Variants in FNBP1 observed in about 807,000 individuals in gnomAD.
FNBP1 encodes the protein formin binding protein 1.
A neutral mutation model predicts 90.6 loss-of-function variants in FNBP1; 26 were observed. That is an observed-to-expected ratio of 0.29 (90% confidence interval 0.21 to 0.40). The LOEUF (loss-of-function observed/expected upper bound fraction) is 0.40, where lower values mean the gene tolerates loss of function less well. FNBP1 is among the 10% of genes least tolerant of loss of function. The probability of loss-of-function intolerance (pLI) is 1.00; values close to 1 mark genes in which losing one functional copy is unlikely to be tolerated. For missense variants in FNBP1, 635 were observed against 768.0 expected, an observed-to-expected ratio of 0.83 and a Z score of 2.05; for synonymous variants, 260 against 265.2, an observed-to-expected ratio of 0.98 and a Z score of 0.19.
chr9:129,901,171 C>T (rs1405421661), intron 13 of FNBP1, among the ~76,000 whole-genome samples: 15 of 152,126 alleles, frequency 9.9e-5, no homozygotes, highest in Non-Finnish European at 1.6e-4. Flanking sequence ...TTTGGGAGGC[C>T]GAGGTGGGTG....
At chr9:129,986,109 C>T (rs1476883326) in intron 2 of FNBP1, among the ~76,000 whole-genome samples, 5 of 151,660 alleles carry the variant, frequency 3.3e-5, no homozygotes, top group Non-Finnish European at 7.4e-5. Context: ...GCATTCCAGC[C>T]TGGGCAACAG....
At chr9:130,025,469 C>G (rs990624254) in intron 1 of FNBP1, among the ~76,000 whole-genome samples, 8 of 152,174 alleles carry the variant, frequency 5.3e-5, no homozygotes, top group African/African-American at 1.9e-4. Flanking sequence ...CTCCTAGGAT[C>G]ACTATTTCAG....
At position 130,008,360 on chromosome 9, in the gene FNBP1, C is replaced by T. The variant is rs183288081; in HGVS notation, c.25-13402G>A. On this transcript the variant is annotated intron_variant, in intron 1 of 16. Coordinates refer to ENST00000446176, the MANE Select transcript of FNBP1 (RefSeq NM_015033.3). ...TGAGACTCTGTCTCAAAAAACAAACCGAAAAAACCACCTAATTTTTTAAAT... is the reference window on the plus strand; with the variant it reads ...TGAGACTCTGTCTCAAAAAACAAACTGAAAAAACCACCTAATTTTTTAAAT... 1.8e-4 allele frequency among the ~76,000 whole-genome samples: 28 copies of T among 151,742 alleles called. No individual in the cohort carries two copies. The East Asian group carries it at 5.0e-3, about 27-fold the overall frequency.
At chr9:129,896,919 C>G (rs1411662120) in intron 15 of FNBP1, among the ~76,000 whole-genome samples, 2 of 152,256 alleles carry the variant, frequency 1.3e-5, no homozygotes, top group Non-Finnish European at 2.9e-5. Context: ...GCGTGAGCCA[C>G]CACGCCCGGC....
chr9:129,925,389 C>G (rs1028791776), intron 8 of FNBP1, among the ~76,000 whole-genome samples: 1 of 151,376 alleles, frequency 6.6e-6, no homozygotes, highest in Non-Finnish European at 1.5e-5. Flanking sequence ...GCCTGTAGTC[C>G]CAGCTACTCA....
At chr9:129,971,648 C>G (rs999001828) in intron 4 of FNBP1, among the ~76,000 whole-genome samples, 1 of 152,196 alleles carries the variant, frequency 6.6e-6, no homozygotes, top group Admixed American at 6.5e-5. Context: ...GCCTTGGCCT[C>G]CCAAAGTGCT....
At chr9:129,923,038 T>A (rs2041329999) in intron 10 of FNBP1, among the ~76,000 whole-genome samples, 1 of 151,882 alleles carries the variant, frequency 6.6e-6, no homozygotes, top group African/African-American at 2.4e-5. Context: ...TTTTATATAT[T>A]TTTTTAAGAG....
the FNBP1 span, among the ~76,000 whole-genome samples, chr9:130,051,322 ACAC>A: frequency 6.6e-6 from 1 of 152,198 alleles, no homozygotes; most frequent in Non-Finnish European, 1.5e-5. Flanking sequence ...CAGGCATGAG[ACAC>A]CAGCCAGGCC....
At position 129,978,600 on chromosome 9, in the gene FNBP1, A is replaced by G. The variant is rs759884626; in HGVS notation, c.210T>C (p.Cys70=). 4.3e-6 allele frequency: 7 copies of G among 1,613,814 alleles called. No individual in the cohort carries two copies. In the African/African-American group the frequency reaches 8.0e-5, roughly 18 times the overall value. The change falls in exon 4 of 17, where the codon TGT becomes TGC. Residue 70 remains cysteine (C), a synonymous_variant. Transcript: ENST00000446176. ...KEEEEYKYTS[C]KAFISNLNEM... ...CGTTCAGGTTGGAAATGAAAGCTTT[A>G]CATGACGTATACCTATGGAACAGAA... is the stretch of plus-strand genomic sequence containing the variant.
chr9:129,954,762 C>T (rs955302998), intron 6 of FNBP1, among the ~76,000 whole-genome samples: 6 of 151,998 alleles, frequency 3.9e-5, no homozygotes, highest in East Asian at 3.9e-4. Flanking sequence ...TTTGGGAGGC[C>T]GAGGCTGGTG....
chr9:130,013,015 ATTCCGTTC>A (rs1564573730), intron 1 of FNBP1, among the ~76,000 whole-genome samples: 1 of 152,222 alleles, frequency 6.6e-6, no homozygotes, highest in Non-Finnish European at 1.5e-5. Context: ...AAACTAAAAA[ATTCCGTTC>A]ACGAAAAGAT....
intron 7 of FNBP1, among the ~76,000 whole-genome samples, chr9:129,928,233 C>G (rs951569259): frequency 6.6e-5 from 10 of 152,090 alleles, no homozygotes; most frequent in African/African-American, 2.4e-4. Flanking sequence ...GAAAACAATC[C>G]AAAAGAAAGA....
chr9:129,890,326 G>T lies in FNBP1; in HGVS notation c.*213C>A. 1 of 597,058 alleles carries T rather than the reference G, an allele frequency of 1.7e-6. No individual in the cohort carries two copies. Among genetic ancestry groups the T allele is most frequent in the South Asian group, 2.1e-5 (1 of 48,662 alleles). The allele number at this position is 597,058 out of a possible 1,614,324, so 37.0% of individuals were successfully genotyped here. A position where few individuals can be genotyped will look rare whatever the true frequency, so the allele number is the denominator to read the frequency against. Reference sequence around the variant, plus strand: ...AGGACTGACCCGAGCCATGGGGGTGGGCGCTGGCGAGACTTGTCCCCCACG... The same window carrying T: ...AGGACTGACCCGAGCCATGGGGGTGTGCGCTGGCGAGACTTGTCCCCCACG... On this transcript the variant is annotated 3_prime_UTR_variant, in exon 17 of 17. Transcript: ENST00000446176. This position sits in a 1 kb window ranked among gnomAD's most constrained non-coding sequence, Gnocchi z 5.8.
chr9:129,977,133 T>C (rs2050453190), intron 4 of FNBP1, among the ~76,000 whole-genome samples: 1 of 151,076 alleles, frequency 6.6e-6, no homozygotes, highest in Non-Finnish European at 1.5e-5. Flanking sequence ...CACTCGGGCC[T>C]GGACCAAAGG....
rs550427768 is a variant in FNBP1, at chr9:129,966,732, A to AAACAACAACAACAACAACAAC, written c.346-8200_346-8180dup. Among the ~76,000 whole-genome samples, 18 of 151,246 alleles carry AAACAACAACAACAACAACAAC rather than the reference A, an allele frequency of 1.2e-4. No individual in the cohort carries two copies. Among genetic ancestry groups the AAACAACAACAACAACAACAAC allele is most frequent in the African/African-American group, 4.4e-4 (18 of 41,188 alleles). On this transcript the variant is annotated intron_variant, in intron 4 of 16. Transcript: ENST00000446176. The surrounding 1 kb of genome is among the most constrained non-coding windows in gnomAD (Gnocchi z 4.3). ...TGGGTGATGGAGCGAGACTCCGTCTAAACAACAACAACAACAACAACAACA... is the reference window on the plus strand; with the variant it reads ...TGGGTGATGGAGCGAGACTCCGTCTAAACAACAACAACAACAACAACAACAACAACAACAACAACAACAACA...
At chr9:130,017,639 G>C (rs1180822119) in intron 1 of FNBP1, among the ~76,000 whole-genome samples, 3 of 152,146 alleles carry the variant, frequency 2.0e-5, no homozygotes, top group Admixed American at 6.5e-5. Flanking sequence ...AGACCAGCCT[G>C]GCCAACATCG....
intron 6 of FNBP1, among the ~76,000 whole-genome samples, chr9:129,951,045 C>T (rs1431147522): frequency 6.7e-6 from 1 of 148,838 alleles, no homozygotes; most frequent in Non-Finnish European, 1.5e-5. Context: ...GATCTCGGCT[C>T]ACTGCAACCT....
At chr9:129,892,417 A>AC (rs2035215307) in intron 16 of FNBP1, among the ~76,000 whole-genome samples, 19 of 147,392 alleles carry the variant, frequency 1.3e-4, no homozygotes, top group African/African-American at 2.5e-4. Context: ...ACACACACAC[A>AC]AAAAGGTTGA....
intron 2 of FNBP1, among the ~76,000 whole-genome samples, chr9:129,981,726 C>T (rs1266870354): frequency 6.6e-6 from 1 of 152,096 alleles, no homozygotes; most frequent in African/African-American, 2.4e-5. Context: ...CCAGTCTGTG[C>T]TTCCCATTCC....
Sources: allele counts gnomAD v4.1 joint callset (sites outside exome capture counted in the v4.1 genomes callset), GRCh38; gene constraint gnomAD v4.1.1; non-coding constraint Gnocchi (gnomAD v3.1); transcripts MANE v1.5; gene names NCBI Gene and HGNC (gene_info 2026-07-23, HGNC 2026-07-21).